CNTNAP4: variants seen among roughly 807,000 people sequenced by gnomAD.
CNTNAP4 encodes the protein contactin-associated protein-like 4.
In CNTNAP4, 98 loss-of-function variants were observed where a neutral mutation model predicts 148.4. The ratio of observed to expected loss-of-function variants is 0.66; its 90% CI spans 0.56 to 0.78. The LOEUF is 0.78. CNTNAP4 is among the 30% of genes least tolerant of loss of function. The pLI, the probability that CNTNAP4 is intolerant of heterozygous loss-of-function variation, is 0.00. For missense variants in CNTNAP4, 1,935 were observed against 1,565.6 expected (o/e 1.24, Z -3.98); for synonymous variants, 730 against 565.1 (o/e 1.29, Z -4.14).
intron 2 of CNTNAP4, among the ~76,000 whole-genome samples, chr16:76,317,061 T>A (rs1216510068): frequency 2.7e-5 from 4 of 149,952 alleles, no homozygotes; most frequent in African/African-American, 9.8e-5. Context: ...AAGTGAGGAG[T>A]TCAAGACCAG....
chr16:76,534,491 A>G (rs1160634785), intron 17 of CNTNAP4, among the ~76,000 whole-genome samples: 1 of 152,192 alleles, frequency 6.6e-6, no homozygotes, highest in African/African-American at 2.4e-5. Context: ...TAGAATTGCC[A>G]GGTTATTTAG....
At chr16:76,401,919 T>A (rs1170020467) in intron 3 of CNTNAP4, among the ~76,000 whole-genome samples, 1 of 152,224 alleles carries the variant, frequency 6.6e-6, no homozygotes, top group East Asian at 1.9e-4. Flanking sequence ...ATTTGCTTTT[T>A]GAAGTGCTTC....
At chr16:76,347,877 G>C (rs900414798) in intron 2 of CNTNAP4, among the ~76,000 whole-genome samples, 1 of 152,126 alleles carries the variant, frequency 6.6e-6, no homozygotes, top group South Asian at 2.1e-4. Context: ...GGACATTGCA[G>C]GTGGCATAGT....
Position 76,382,058 on chromosome 16 carries a change from CT to C in CNTNAP4, c.390+26548del, listed in dbSNP as rs1440718313. 5.5e-4 allele frequency among the ~76,000 whole-genome samples: 36 copies of C among 65,988 alleles called. No individual in the cohort carries two copies. In the Admixed American group the frequency reaches 8.8e-3, roughly 16 times the overall value. 43.3% of individuals were successfully genotyped at this position (65,988 alleles called of 152,430 possible). A position where few individuals can be genotyped will look rare whatever the true frequency, so the allele number is the denominator to read the frequency against. On this transcript the variant is annotated intron_variant, in intron 3 of 23. Coordinates refer to ENST00000611870, the MANE Select transcript of CNTNAP4 (RefSeq NM_033401.5). ...CCTGGGGGACAGAGCGAGACTCCGTCTCAAAAAAAAAAAAAAAAAAAAAAAA... is the reference window on the plus strand; with the variant it reads ...CCTGGGGGACAGAGCGAGACTCCGTCCAAAAAAAAAAAAAAAAAAAAAAAA...
At chr16:76,547,912 C>T (rs918238050) in intron 21 of CNTNAP4, among the ~76,000 whole-genome samples, 3 of 152,126 alleles carry the variant, frequency 2.0e-5, no homozygotes, top group African/African-American at 4.8e-5. Flanking sequence ...AAACCAGCTT[C>T]GAAGCCAAAG....
intron 1 of CNTNAP4, among the ~76,000 whole-genome samples, chr16:76,283,576 C>T (rs1004122191): frequency 2.0e-5 from 3 of 151,994 alleles, no homozygotes; most frequent in African/African-American, 7.2e-5. Flanking sequence ...CCAAATACTG[C>T]ATGTTCTCAC....
chr16:76,483,190 C>T (rs533687356), intron 12 of CNTNAP4, among the ~76,000 whole-genome samples: 8 of 141,204 alleles, frequency 5.7e-5, no homozygotes, highest in South Asian at 4.7e-4. Flanking sequence ...AATTAGACAG[C>T]GATAGGTTGA....
At chr16:76,419,541 A>C (rs1053371818) in intron 3 of CNTNAP4, among the ~76,000 whole-genome samples, 7 of 151,966 alleles carry the variant, frequency 4.6e-5, no homozygotes, top group Non-Finnish European at 1.0e-4. Context: ...GTTTCCAGAG[A>C]TTCACCAAAA....
chr16:76,413,672 A>C (rs1299675622), intron 3 of CNTNAP4, among the ~76,000 whole-genome samples: 4 of 151,296 alleles, frequency 2.6e-5, no homozygotes, highest in Non-Finnish European at 5.9e-5. Context: ...GTGCACACAC[A>C]CAAACATTGG....
At chr16:76,454,234 C>T (rs1413086911) in intron 8 of CNTNAP4, among the ~76,000 whole-genome samples, 1 of 151,944 alleles carries the variant, frequency 6.6e-6, no homozygotes, top group East Asian at 1.9e-4. Flanking sequence ...CCTGCCTCAG[C>T]CTCCCAAGTA....
intron 15 of CNTNAP4, among the ~76,000 whole-genome samples, chr16:76,513,343 G>C (rs1372338156): frequency 6.6e-6 from 1 of 152,148 alleles, no homozygotes; most frequent in Non-Finnish European, 1.5e-5. Flanking sequence ...AATCCTCTAA[G>C]AGCATGGGAC....
chr16:76,328,857 C>G (rs750944919), intron 2 of CNTNAP4, among the ~76,000 whole-genome samples: 25 of 152,072 alleles, frequency 1.6e-4, no homozygotes, highest in Admixed American at 4.6e-4. Flanking sequence ...TTTGGTCAGG[C>G]TGGTCTCAAA....
Position 76,539,828 on chromosome 16 carries a change from A to T in CNTNAP4, c.3330A>T (p.Arg1110Ser). 6.3e-7 allele frequency: 1 copy of T among 1,596,888 alleles called. No individual in the cohort carries two copies. The highest frequency in any genetic ancestry group is 8.5e-7 in the Non-Finnish European group (1 of 1,174,158). Residue 1110 changes from arginine to serine, a missense_variant, in exon 20 of 24, where the codon AGA becomes AGT. Transcript: ENST00000611870. ...DGQLHHIMINREEGVVFIEID... is the reference protein window; with the variant it reads ...DGQLHHIMINSEEGVVFIEID... ...AACTTCACCACATAATGATTAACAG[A>T]GAAGAAGGAGTGGTCTTTATAGAGG...
intron 12 of CNTNAP4, among the ~76,000 whole-genome samples, chr16:76,488,282 A>G (rs977345177): frequency 2.6e-5 from 4 of 152,298 alleles, no homozygotes; most frequent in African/African-American, 4.8e-5. Flanking sequence ...TCGACATTAT[A>G]CTGCTGGCCA....
chr16:76,335,681 C>G (rs1177085394), intron 2 of CNTNAP4, among the ~76,000 whole-genome samples: 2 of 152,098 alleles, frequency 1.3e-5, no homozygotes, highest in African/African-American at 4.8e-5. Flanking sequence ...GAAAAGACTG[C>G]CTGAACAAAG....
At chr16:76,398,540 A>C (rs953423824) in intron 3 of CNTNAP4, among the ~76,000 whole-genome samples, 1 of 152,078 alleles carries the variant, frequency 6.6e-6, no homozygotes, top group Admixed American at 6.5e-5. Flanking sequence ...TCCCTTTTAC[A>C]CATGTGTCAG....
intron 3 of CNTNAP4, among the ~76,000 whole-genome samples, chr16:76,387,042 A>G (rs1275526131): frequency 1.1e-5 from 1 of 87,276 alleles, no homozygotes; most frequent in Non-Finnish European, 2.2e-5. Flanking sequence ...ATTGTCTCAT[A>G]AAGCCTCCAA....
In CNTNAP4 at chr16:76,277,542, G is replaced by T; in HGVS notation, c.-121G>T. On this transcript the variant is annotated 5_prime_UTR_variant, in exon 1 of 24. Coordinates refer to ENST00000611870, the MANE Select transcript of CNTNAP4 (RefSeq NM_033401.5). ...GAGGGAGGTGAGGAGGAAGGGAGGGGGAGAGACAGAGACCTAGAGGGGCTG... is the reference window on the plus strand; with the variant it reads ...GAGGGAGGTGAGGAGGAAGGGAGGGTGAGAGACAGAGACCTAGAGGGGCTG... 1 of 640,076 alleles carries T rather than the reference G, an allele frequency of 1.6e-6. No individual in the cohort carries two copies. Among genetic ancestry groups the T allele is most frequent in the South Asian group, 1.8e-5 (1 of 54,476 alleles). 39.6% of individuals were successfully genotyped at this position (640,076 alleles called of 1,614,324 possible).
Position 76,538,156 on chromosome 16 carries a change from C to T in CNTNAP4, c.3036C>T (p.Tyr1012=), listed in dbSNP as rs768380110. The T allele has an allele frequency of 1.3e-5, 20 of 1,589,856 alleles. No individual in the cohort carries two copies. Among genetic ancestry groups the T allele is most frequent in the Middle Eastern group, 1.7e-4 (1 of 6,032 alleles). ...AYFGSGSSVI[Y]NFQENYLLSK... Reference sequence around the variant, plus strand: ...TTGGATCTGGCTCATCCGTGATATACAATTTTCAAGAAAATTATCTTTTAA... The same window carrying T: ...TTGGATCTGGCTCATCCGTGATATATAATTTTCAAGAAAATTATCTTTTAA... The change falls in exon 19 of 24, where the codon TAC becomes TAT. Residue 1012 remains tyrosine, a synonymous_variant. Transcript: ENST00000611870.
Sources: gnomAD v4.1 joint callset for allele counts (sites outside exome capture counted in the v4.1 genomes callset) on GRCh38, gnomAD v4.1.1 for gene constraint, MANE v1.5 for transcripts, NCBI Gene and HGNC (gene_info 2026-07-23, HGNC 2026-07-21) for gene names.